Variants in KCNQ2 observed in about 807,000 individuals in gnomAD.
KCNQ2 encodes the protein potassium voltage-gated channel subfamily KQT member 2.
Under a neutral mutation model 84.8 loss-of-function variants are expected in KCNQ2, and 14 were observed. That is an observed-to-expected ratio of 0.17 (90% CI 0.11 to 0.26). The LOEUF (loss-of-function observed/expected upper bound fraction) is 0.26, where lower values mean the gene tolerates loss of function less well. Ranked by LOEUF, KCNQ2 falls within the 10% of genes least tolerant of loss-of-function variation. The pLI, the probability that KCNQ2 is intolerant of heterozygous loss-of-function variation, is 1.00. For missense variants in KCNQ2, 788 were observed against 1,254.0 expected, an observed-to-expected ratio of 0.63 and a Z score of 5.61; for synonymous variants, 599 against 554.1, an observed-to-expected ratio of 1.08 and a Z score of -1.14.
At chr20:63,442,935 CCACCACCATCACCATCAT>C (rs2081253221) in intron 4 of KCNQ2, among the ~76,000 whole-genome samples, 1 of 20,620 alleles carries the variant, frequency 4.8e-5, no homozygotes, top group Non-Finnish European at 1.1e-4. Context: ...ATCACCATCA[CCACCACCATCACCATCAT>C]CACCATCACC....
At chr20:63,442,701 T>TCACCACCACCACCACCACCACCAC (rs1455961784) in intron 4 of KCNQ2, among the ~76,000 whole-genome samples, 170 bp from the exon 5 acceptor site, 1 of 48,068 alleles carries the variant, frequency 2.1e-5, no homozygotes. Flanking sequence ...ATCACCACCA[T>TCACCACCACCACCACCACCACCAC]CACCATCACC....
intron 1 of KCNQ2, chr20:63,459,768 C>A (rs769342400): frequency 6.6e-6 from 1 of 152,318 alleles, no homozygotes; most frequent in East Asian, 1.9e-4. Context: ...ACAAAATAAA[C>A]CGTGTTGTCA....
chr20:63,458,790 G>A (rs565772676), intron 1 of KCNQ2, among the ~76,000 whole-genome samples: 4 of 152,370 alleles, frequency 2.6e-5, no homozygotes, highest in Non-Finnish European at 5.9e-5. Context: ...CGAGAGCCCA[G>A]GCTGGCAGCT....
At chr20:63,466,101 C>T (rs1294131424) in intron 1 of KCNQ2, among the ~76,000 whole-genome samples, 1 of 152,174 alleles carries the variant, frequency 6.6e-6, no homozygotes, top group African/African-American at 2.4e-5. Flanking sequence ...CCTCAACCCT[C>T]AGGATGCTGG....
At chr20:63,449,733 G>A (rs1237943801) in intron 1 of KCNQ2, among the ~76,000 whole-genome samples, 1 of 152,210 alleles carries the variant, frequency 6.6e-6, no homozygotes, top group Admixed American at 6.5e-5. Context: ...GGGAGAAGAG[G>A]GAAGAGGGAA....
chr20:63,426,577 T>C (rs966076595), intron 10 of KCNQ2, among the ~76,000 whole-genome samples: 11 of 152,042 alleles, frequency 7.2e-5, no homozygotes, highest in African/African-American at 2.7e-4. Flanking sequence ...TCTCATACTT[T>C]ACTATGAGCA....
In KCNQ2 at chr20:63,462,340, T is replaced by C. The variant is rs11905417; in HGVS notation, c.296+9828A>G. On this transcript the variant is annotated intron_variant, in intron 1 of 16. Coordinates refer to ENST00000359125, the MANE Select transcript of KCNQ2 (RefSeq NM_172107.4). ...CTACCCCAGGCAGCAGGGAGGAGGC[T>C]GCATCTACCCCAGGGAGCAGGGAGG... is the stretch of plus-strand genomic sequence containing the variant. Among the ~76,000 whole-genome samples the C allele has an allele frequency of 5.7e-5, 8 of 139,426 alleles. No individual in the cohort carries two copies. The East Asian group carries it at 1.7e-3, about 30-fold the overall frequency. The allele number at this position is 139,426 out of a possible 152,430, so 91.5% of individuals were successfully genotyped here. A position where few individuals can be genotyped will look rare whatever the true frequency, so the allele number is the denominator to read the frequency against.
intron 12 of KCNQ2, among the ~76,000 whole-genome samples, chr20:63,418,619 C>T (rs1018594563): frequency 2.6e-5 from 4 of 152,230 alleles, no homozygotes; most frequent in African/African-American, 9.6e-5. Flanking sequence ...GACCAGCCTG[C>T]GGCCAGAAGC....
intron 11 of KCNQ2, among the ~76,000 whole-genome samples, chr20:63,421,805 C>T (rs756277730): frequency 6.6e-5 from 10 of 152,016 alleles, no homozygotes; most frequent in Non-Finnish European, 1.5e-4. Context: ...TCAGAACCGC[C>T]GTGGCCAAAG....
At chr20:63,439,871 G>A (rs973182580) in intron 5 of KCNQ2, 163 bp from the exon 6 acceptor site, 53 of 678,446 alleles carry the variant, frequency 7.8e-5, no homozygotes, top group South Asian at 5.2e-4. Context: ...GGTGTCGGCC[G>A]CCCCTCATCC....
chr20:63,449,479 T>C (rs936676729), intron 1 of KCNQ2: 4 of 152,486 alleles, frequency 2.6e-5, no homozygotes, highest in Admixed American at 6.5e-5. Flanking sequence ...AAGTCCTCGA[T>C]GTGCGGAGCT....
At chr20:63,442,861 CATCACCATCACCATT>C (rs1352981346) in intron 4 of KCNQ2, among the ~76,000 whole-genome samples, 13 of 77,972 alleles carry the variant, frequency 1.7e-4, no homozygotes, top group African/African-American at 6.5e-4. Context: ...TCACCACCAC[CATCACCATCACCATT>C]ATCACCACCA....
In KCNQ2 at chr20:63,442,650, T is replaced by C. The variant is rs1280908756; in HGVS notation, c.691-119A>G. On this transcript the variant is annotated intron_variant, in intron 4 of 16. Transcript: ENST00000359125. ...ACCACCATCACCACCACCAAAACCA[T>C]CACCACCACCATCACCACCACCACC... 214 of 733,322 alleles carry C rather than the reference T, an allele frequency of 2.9e-4. 1 individual carries two copies. The African/African-American group carries it at 4.6e-3, about 16-fold the overall frequency. 45.4% of individuals were successfully genotyped at this position (733,322 alleles called of 1,614,324 possible).
rs1023207341 is a variant in KCNQ2, at chr20:63,456,280, G to A, written c.297-9443C>T. ...TTTTCTGGGAAAGCATGACACAGAC[G>A]CCGCCACCCCGCTCCTCACTCGCTT... is the stretch of plus-strand genomic sequence containing the variant. On this transcript the variant is annotated intron_variant, in intron 1 of 16. Transcript: ENST00000359125. Among the ~76,000 whole-genome samples, 7 of 152,176 alleles carry A rather than the reference G, an allele frequency of 4.6e-5. No homozygotes were observed. In the South Asian group the frequency reaches 8.3e-4, roughly 18 times the overall value.
chr20:63,451,846 A>G (rs2081624501), intron 1 of KCNQ2, among the ~76,000 whole-genome samples: 1 of 152,172 alleles, frequency 6.6e-6, no homozygotes, highest in South Asian at 2.1e-4. Context: ...CAGTCCCCAT[A>G]GCTCCACCTT....
chr20:63,400,739 C>G lies in KCNQ2; in HGVS notation c.*5905G>C. On this transcript the variant is annotated 3_prime_UTR_variant, in exon 17 of 17. Transcript: ENST00000359125. The surrounding 1 kb of genome is among the most constrained non-coding windows in gnomAD (Gnocchi z 8.7). ...GGGCACACGTGGGCCGTGTGGATCC[C>G]GGGCAGAGGGATGGCGTCCAGCGGG... 1 of 398,492 alleles carries G rather than the reference C, an allele frequency of 2.5e-6. No homozygotes were observed. The highest frequency in any genetic ancestry group is 4.4e-6 in the Non-Finnish European group (1 of 225,978). 24.7% of individuals were successfully genotyped at this position (398,492 alleles called of 1,614,324 possible).
At chr20:63,444,309 T>C (rs1435924908) in intron 4 of KCNQ2, among the ~76,000 whole-genome samples, 1 of 152,142 alleles carries the variant, frequency 6.6e-6, no homozygotes, top group African/African-American at 2.4e-5. Flanking sequence ...TAGCACTTTG[T>C]ATTGATCCAG....
chr20:63,442,611 A>T, intron 4 of KCNQ2, 80 bp from the exon 5 acceptor site: 1 of 1,477,048 alleles, frequency 6.8e-7, no homozygotes, highest in South Asian at 1.1e-5. Context: ...CACCACCATC[A>T]CATCAACACC....
At position 63,452,439 on chromosome 20, in the gene KCNQ2, C is replaced by G. The variant is rs1182777568; in HGVS notation, c.297-5602G>C. 2.6e-5 allele frequency among the ~76,000 whole-genome samples: 4 copies of G among 152,214 alleles called. No individual in the cohort carries two copies. The South Asian group carries it at 8.3e-4, about 32-fold the overall frequency. On this transcript the variant is annotated intron_variant, in intron 1 of 16. Transcript: ENST00000359125. ...CCTCAGCTGCTGGGACGACGCCCAC[C>G]CCCACGGCAGAGGGTCACTAGCTTC...
Sources: allele counts gnomAD v4.1 joint callset (sites outside exome capture counted in the v4.1 genomes callset), GRCh38; gene constraint gnomAD v4.1.1; non-coding constraint Gnocchi (gnomAD v3.1); transcripts MANE v1.5; gene names NCBI Gene and HGNC (gene_info 2026-07-23, HGNC 2026-07-21).